ACSL4: variants seen among roughly 807,000 people sequenced by gnomAD.
ACSL4 encodes the protein acyl-CoA synthetase long chain family member 4.
In ACSL4, 9 loss-of-function variants were observed where a neutral mutation model predicts 49.1. The observed-to-expected ratio is 0.18, with a 90% CI of 0.11 to 0.32. ACSL4 has a LOEUF of 0.32. ACSL4 is among the 10% of genes least tolerant of loss of function. The pLI is 1.00. For missense variants in ACSL4, 333 were observed against 493.7 expected (o/e 0.67, Z 3.08); for synonymous variants, 191 against 170.3 (o/e 1.12, Z -0.95).
chrX:109,711,800 T>C (rs1359001067), intron 1 of ACSL4, among the ~76,000 whole-genome samples: 1 of 111,066 alleles, frequency 9.0e-6, no homozygotes. Context: ...GCACTTAAAT[T>C]TGTCTAAGTT....
At chrX:109,658,829 CT>C (rs1465645116) in intron 15 of ACSL4, among the ~76,000 whole-genome samples, 1 of 111,773 alleles carries the variant, frequency 8.9e-6, no homozygotes, top group African/African-American at 3.3e-5. Context: ...TCATGTGCCC[CT>C]CTCACCTGAT....
intron 1 of ACSL4, among the ~76,000 whole-genome samples, chrX:109,718,808 T>TA: frequency 9.0e-6 from 1 of 111,067 alleles, no homozygotes; most frequent in Non-Finnish European, 1.9e-5. Context: ...ATTTGTTGTT[T>TA]AAATATGTCT....
chrX:109,701,836 G>A (rs1378638462), intron 1 of ACSL4, among the ~76,000 whole-genome samples: 3 of 97,906 alleles, frequency 3.1e-5, no homozygotes, highest in Non-Finnish European at 4.1e-5. Context: ...GAGCCACTCC[G>A]CCTGGCTAAC....
chrX:109,722,111 T>G (rs1297703474), intron 1 of ACSL4, among the ~76,000 whole-genome samples: 1 of 111,972 alleles, frequency 8.9e-6, no homozygotes, highest in African/African-American at 3.3e-5. Context: ...TAAAATGCAC[T>G]GTTGAATTCA....
At chrX:109,644,913 G>C (rs1229084953) in intron 15 of ACSL4, among the ~76,000 whole-genome samples, 1 of 112,644 alleles carries the variant, frequency 8.9e-6, no homozygotes, top group Non-Finnish European at 1.9e-5. Flanking sequence ...CAAAGAAACG[G>C]GTCACCTGGA....
chrX:109,669,391 TA>T (rs1380126361), intron 9 of ACSL4, among the ~76,000 whole-genome samples: 2 of 84,052 alleles, frequency 2.4e-5, no homozygotes, highest in East Asian at 9.7e-4. Context: ...TAAGTTAATC[TA>T]AATTTTTTTT....
At chrX:109,710,078 C>G (rs1009390376) in intron 1 of ACSL4, among the ~76,000 whole-genome samples, 2 of 111,934 alleles carry the variant, frequency 1.8e-5, no homozygotes, top group African/African-American at 3.3e-5. Flanking sequence ...GCACTCCAGC[C>G]TGGGCAACAA....
chrX:109,649,088 T>G (rs1031476268), intron 15 of ACSL4, among the ~76,000 whole-genome samples: 1 of 110,252 alleles, frequency 9.1e-6, no homozygotes, highest in African/African-American at 3.3e-5. Context: ...ATCGTGAAAA[T>G]GGCCACACTG....
At chrX:109,650,119 T>C (rs1220979456) in intron 15 of ACSL4, among the ~76,000 whole-genome samples, 1 of 111,627 alleles carries the variant, frequency 9.0e-6, no homozygotes, top group Non-Finnish European at 1.9e-5. Flanking sequence ...GTCAGTGTGG[T>C]GATTCCTCAG....
At chrX:109,690,369 T>C (rs1569431995) in intron 2 of ACSL4, among the ~76,000 whole-genome samples, 2 of 112,201 alleles carry the variant, frequency 1.8e-5, no homozygotes, top group African/African-American at 3.2e-5. Context: ...TCTTCAGTCA[T>C]TGGATAGTTA....
intron 1 of ACSL4, among the ~76,000 whole-genome samples, chrX:109,721,402 A>T (rs5985404): frequency 0.44 from 48,728 of 111,114 alleles, 8,513 homozygotes; most frequent in Middle Eastern, 0.61. Context: ...TAAAATACTT[A>T]AAGTCCACAT....
chrX:109,668,159 G>A lies in ACSL4; in HGVS notation c.1257C>T (p.Cys419=). The change falls in exon 11 of 16, where the codon TGC becomes TGT. Residue 419 remains cysteine (C), a synonymous_variant. Coordinates refer to ENST00000672401, the MANE Select transcript of ACSL4 (RefSeq NM_001318510.2). The part of the protein sequence containing the change: ...THRFMNVCFC[C]PIGQGYGLTE... The stretch of plus-strand genomic sequence containing the variant: ...TCAGTCCATAACCCTGGCCAATTGG[G>A]CAGCAGAAGCAGACATTCATGAATC... 2 of 1,208,926 alleles carry A rather than the reference G, an allele frequency of 1.7e-6. No homozygotes were observed. Among genetic ancestry groups the A allele is most frequent in the Non-Finnish European group, 2.2e-6 (2 of 893,072 alleles).
At chrX:109,715,279 AG>A (rs752681613) in intron 1 of ACSL4, among the ~76,000 whole-genome samples, 14 of 111,986 alleles carry the variant, frequency 1.3e-4, no homozygotes, top group Non-Finnish European at 2.6e-4. Context: ...TGTTAACATT[AG>A]GGGAAGCTGG....
chrX:109,656,526 A>G (rs773084120), intron 15 of ACSL4, among the ~76,000 whole-genome samples: 5 of 110,851 alleles, frequency 4.5e-5, no homozygotes, highest in South Asian at 3.8e-4. Flanking sequence ...ATAAAAGTCC[A>G]TAACATCGCA....
chrX:109,647,300 G>C (rs1180199823), intron 15 of ACSL4, among the ~76,000 whole-genome samples: 4 of 111,652 alleles, frequency 3.6e-5, no homozygotes, highest in Non-Finnish European at 7.5e-5. Context: ...AAATGTAAAA[G>C]AACAGAAATT....
At chrX:109,669,244 T>C (rs1922954628) in intron 9 of ACSL4, 71 bp from the exon 10 acceptor site, 1 of 834,159 alleles carries the variant, frequency 1.2e-6, no homozygotes, top group East Asian at 3.2e-5. Context: ...ATACCTTACT[T>C]GCAACATCTT....
In ACSL4 at chrX:109,675,824, G is replaced by C. The variant is rs148856640; in HGVS notation, c.931-1351C>G. 8.0e-5 allele frequency among the ~76,000 whole-genome samples: 9 copies of C among 112,417 alleles called. No homozygotes were observed. In the East Asian group the frequency reaches 2.5e-3, roughly 31 times the overall value. The stretch of plus-strand genomic sequence containing the variant: ...AATTTGTTTTAGAGTTTAAGCCTTA[G>C]TCTTATTGATAGGTCTACTTTGATT... On this transcript the variant is annotated intron_variant, in intron 8 of 15. Transcript: ENST00000672401.
rs141782898 is a variant in ACSL4 at position 109,719,894 on chromosome X, G to A, written c.-66+13245C>T. On this transcript the variant is annotated intron_variant, in intron 1 of 15. Coordinates refer to ENST00000672401, the MANE Select transcript of ACSL4 (RefSeq NM_001318510.2). ...TGTAATCCCAGCTACTAAGGAGGCT[G>A]AGGCAAGAGAATCGCTTGAACCCGG... Among the ~76,000 whole-genome samples, 367 of 111,840 alleles carry A rather than the reference G, an allele frequency of 3.3e-3. 1 individual carries two copies. Among genetic ancestry groups the A allele is most frequent in the African/African-American group, 0.011 (336 of 30,782 alleles).
In ACSL4 at chrX:109,682,855, C is replaced by G. The variant is rs1309899417; in HGVS notation, c.270G>C (p.Val90=). The change falls in exon 4 of 16, where the codon GTG becomes GTC. Residue 90 remains valine, a synonymous_variant. Coordinates refer to ENST00000672401, the MANE Select transcript of ACSL4 (RefSeq NM_001318510.2). The stretch of plus-strand genomic sequence containing the variant: ...TACCAAAGTTATTCACTCTGCGATT[C>G]ACTTCAAGATAGTTCATCCATTTAT... ...GNYKWMNYLE[V]NRRVNNFGSG... is the part of the protein sequence containing the mutation. The G allele has an allele frequency of 2.5e-6, 3 of 1,211,384 alleles. No homozygotes were observed. The highest frequency in any genetic ancestry group is 2.2e-6 in the Non-Finnish European group (2 of 895,076).
Sources: gnomAD v4.1 joint callset for allele counts (sites outside exome capture counted in the v4.1 genomes callset) on GRCh38, gnomAD v4.1.1 for gene constraint, MANE v1.5 for transcripts, NCBI Gene and HGNC (gene_info 2026-07-23, HGNC 2026-07-21) for gene names.